DSCAM: variants seen among roughly 807,000 people sequenced by gnomAD.
The protein encoded by DSCAM is DS cell adhesion molecule.
Under a neutral mutation model 217.7 loss-of-function variants are expected in DSCAM, and 47 were observed. That is an observed-to-expected ratio of 0.22 (90% CI 0.17 to 0.28). DSCAM has a LOEUF of 0.28. Ranked by LOEUF, DSCAM falls within the 10% of genes least tolerant of loss-of-function variation. The pLI, the probability that DSCAM is intolerant of heterozygous loss-of-function variation, is 1.00. For synonymous variants in DSCAM, 1,056 were observed against 1,015.3 expected, an observed-to-expected ratio of 1.04 and a Z score of -0.76; for missense variants, 2,080 against 2,618.3, an observed-to-expected ratio of 0.79 and a Z score of 4.49.
At chr21:40,193,383 G>A (rs7279523) in intron 11 of DSCAM, among the ~76,000 whole-genome samples, 8,783 of 152,150 alleles carry the variant, frequency 0.058, 589 homozygotes, top group African/African-American at 0.17. Context: ...AAGATAATTA[G>A]AGATCTCAAA....
At chr21:40,073,063 G>A (rs529576729) in intron 27 of DSCAM, among the ~76,000 whole-genome samples, 1 of 152,280 alleles carries the variant, frequency 6.6e-6, no homozygotes, top group African/African-American at 2.4e-5. Context: ...CAGGGTGCAT[G>A]GGTCATCATT....
intron 3 of DSCAM, among the ~76,000 whole-genome samples, chr21:40,502,494 G>C (rs1397979909): frequency 6.6e-6 from 1 of 152,266 alleles, no homozygotes; most frequent in East Asian, 1.9e-4. Flanking sequence ...GGGTTGGCAG[G>C]CCGTCTTCTT....
At chr21:40,069,196 T>C (rs1419053085) in intron 27 of DSCAM, among the ~76,000 whole-genome samples, 1 of 151,988 alleles carries the variant, frequency 6.6e-6, no homozygotes, top group Non-Finnish European at 1.5e-5. Context: ...GGATGGTGTA[T>C]AGTGAAGTAC....
At chr21:40,419,034 G>A (rs983194516) in intron 3 of DSCAM, among the ~76,000 whole-genome samples, 12 of 151,976 alleles carry the variant, frequency 7.9e-5, no homozygotes, top group South Asian at 2.1e-4. Flanking sequence ...GCAGTGGTGC[G>A]ATCTCGGCCC....
chr21:40,365,676 G>C (rs987998640), intron 4 of DSCAM, among the ~76,000 whole-genome samples: 1 of 152,134 alleles, frequency 6.6e-6, no homozygotes, highest in African/African-American at 2.4e-5. Flanking sequence ...CATCTTCTCG[G>C]AGTTTCAGCA....
At chr21:40,352,889 C>A (rs2074648123) in intron 5 of DSCAM, among the ~76,000 whole-genome samples, 1 of 152,150 alleles carries the variant, frequency 6.6e-6, no homozygotes, top group Non-Finnish European at 1.5e-5. Flanking sequence ...TTCCTCAAGG[C>A]AGCCAAGGCA....
intron 1 of DSCAM, among the ~76,000 whole-genome samples, chr21:40,817,786 G>A (rs140400759): frequency 1.1e-4 from 17 of 152,252 alleles, no homozygotes; most frequent in African/African-American, 2.6e-4. Context: ...ATAACACTGC[G>A]TGGTTCATCA....
intron 24 of DSCAM, among the ~76,000 whole-genome samples, chr21:40,082,466 A>G (rs1290809599): frequency 6.6e-6 from 1 of 152,164 alleles, no homozygotes; most frequent in Non-Finnish European, 1.5e-5. Context: ...TCTCAACAAA[A>G]CAAAACAAAA....
chr21:40,664,115 C>G (rs1242771530), intron 3 of DSCAM, among the ~76,000 whole-genome samples: 2 of 152,154 alleles, frequency 1.3e-5, no homozygotes, highest in East Asian at 3.9e-4. Flanking sequence ...CTAAGTGTCT[C>G]CCCTCTCCTG....
At chr21:40,843,348 A>T (rs1239438168) in intron 1 of DSCAM, among the ~76,000 whole-genome samples, 1 of 148,834 alleles carries the variant, frequency 6.7e-6, no homozygotes, top group African/African-American at 2.5e-5. Context: ...TCAGGAAAAG[A>T]TGATGTCAGG....
chr21:40,788,423 C>T (rs1176890978), intron 1 of DSCAM, among the ~76,000 whole-genome samples: 1 of 152,042 alleles, frequency 6.6e-6, no homozygotes, highest in African/African-American at 2.4e-5. Context: ...TTGTTTTATA[C>T]CTTCACTAGA....
At chr21:40,616,079 C>T (rs1183877691) in intron 3 of DSCAM, among the ~76,000 whole-genome samples, 2 of 151,750 alleles carry the variant, frequency 1.3e-5, no homozygotes, top group South Asian at 2.1e-4. Flanking sequence ...GTGTATGAGT[C>T]AGCTCCTGTT....
intron 11 of DSCAM, among the ~76,000 whole-genome samples, chr21:40,208,083 CAATGGAATAAA>C (rs2091145176): frequency 6.6e-6 from 1 of 152,162 alleles, no homozygotes; most frequent in Non-Finnish European, 1.5e-5. Flanking sequence ...AATACATTAT[CAATGGAATAAA>C]AATGGAATCC....
intron 26 of DSCAM, among the ~76,000 whole-genome samples, chr21:40,076,207 A>T (rs902889154): frequency 6.6e-6 from 1 of 152,100 alleles, no homozygotes; most frequent in African/African-American, 2.4e-5. Context: ...TGTTCTCCCA[A>T]CTTTAAAGTG....
At chr21:40,066,854 C>A (rs537984506) in intron 27 of DSCAM, among the ~76,000 whole-genome samples, 6 of 152,266 alleles carry the variant, frequency 3.9e-5, no homozygotes, top group Admixed American at 1.3e-4. Flanking sequence ...TGGTCCCTTC[C>A]CTTCCCTGAT....
Position 40,764,948 on chromosome 21 carries a change from CA to C in DSCAM, c.44-56178del, listed in dbSNP as rs368727840. ...GGGAACATCACACACCGGGGCCTGT[CA>C]GGGGGTGGAGGGCAAGGAGAGGGAG... is the stretch of plus-strand genomic sequence containing the variant. On this transcript the variant is annotated intron_variant, in intron 1 of 32. Coordinates refer to ENST00000400454, the MANE Select transcript of DSCAM (RefSeq NM_001389.5). 3.4e-4 allele frequency among the ~76,000 whole-genome samples: 51 copies of C among 152,092 alleles called. No homozygotes were observed. The South Asian group carries it at 0.011, about 32-fold the overall frequency.
At chr21:40,402,995 AT>A (rs1266037800) in intron 3 of DSCAM, among the ~76,000 whole-genome samples, 2 of 151,816 alleles carry the variant, frequency 1.3e-5, no homozygotes, top group Non-Finnish European at 2.9e-5. Context: ...ATTCATAGTA[AT>A]TCCCTATTCT....
rs373263504 is a variant in DSCAM at position 40,144,520 on chromosome 21, T to C, written c.3230A>G (p.Gln1077Arg). The change falls in exon 17 of 33, where the codon CAG (glutamine) becomes CGG (arginine). Residue 1077 changes from glutamine (Q) to arginine (R), a missense_variant. Gln to Arg is a conservative substitution (Grantham distance 43). Coordinates refer to ENST00000400454, the MANE Select transcript of DSCAM (RefSeq NM_001389.5). The surrounding 1 kb of genome is among the most constrained non-coding windows in gnomAD (Gnocchi z 4.8). The part of the protein sequence containing the change: ...CNRAGTGPSS[Q>R]EIITTTLEDV... ...CTCGAGAGTGGTGGTGATGATTTCC[T>C]GAGAAGAAGGCCCCGTGCCGGCCCG... The C allele has an allele frequency of 1.9e-6, 3 of 1,614,040 alleles. No homozygotes were observed. The highest frequency in any genetic ancestry group is 1.3e-5 in the African/African-American group (1 of 74,932).
At position 40,637,140 on chromosome 21, in the gene DSCAM, TATATATATAA is replaced by T. The variant is rs1350665773; in HGVS notation, c.508+55660_508+55669del. ...ATATATATATATATAAATATATAAA[TATATATATAA>T]ATATATATAAATATAAATATATATA... On this transcript the variant is annotated intron_variant, in intron 3 of 32. Transcript: ENST00000400454. Among the ~76,000 whole-genome samples the T allele has an allele frequency of 2.5e-5, 2 of 80,634 alleles. 1 individual carries two copies. Among genetic ancestry groups the T allele is most frequent in the Non-Finnish European group, 4.5e-5 (2 of 44,812 alleles). 52.9% of individuals were successfully genotyped at this position (80,634 alleles called of 152,430 possible). A position where few individuals can be genotyped will look rare whatever the true frequency, so the allele number is the denominator to read the frequency against.
Sources: gnomAD v4.1 joint callset for allele counts (sites outside exome capture counted in the v4.1 genomes callset) on GRCh38, gnomAD v4.1.1 for gene constraint, Gnocchi (gnomAD v3.1) non-coding constraint, MANE v1.5 for transcripts, NCBI Gene and HGNC (gene_info 2026-07-23, HGNC 2026-07-21) for gene names.